The following SDCCAG8 variants were observed in gnomAD, a reference collection of about 807,000 sequenced individuals.
SDCCAG8 encodes SHH signaling and ciliogenesis regulator SDCCAG8, also known as serologically defined colon cancer antigen 8.
A neutral mutation model predicts 101.8 loss-of-function variants in SDCCAG8; 74 were observed. The ratio of observed to expected loss-of-function variants is 0.73; its 90% CI spans 0.60 to 0.88. SDCCAG8 has a LOEUF of 0.88. Among genes scored for constraint, SDCCAG8 ranks in the 40% least tolerant of loss-of-function variants. The probability of loss-of-function intolerance (pLI) is 0.00; values close to 1 mark genes in which losing one functional copy is unlikely to be tolerated. For missense variants in SDCCAG8, 787 were observed against 822.6 expected (o/e 0.96, Z 0.53); for synonymous variants, 281 against 292.9 (o/e 0.96, Z 0.41).
At chr1:243,307,151 T>C (rs2932634) in intron 7 of SDCCAG8, among the ~76,000 whole-genome samples, 76,173 of 150,978 alleles carry the variant, frequency 0.5, 20,004 homozygotes, top group East Asian at 0.75. Context: ...TGGGATAAGG[T>C]AGGAAAATAC....
intron 13 of SDCCAG8, among the ~76,000 whole-genome samples, chr1:243,385,746 G>T (rs1053079159): frequency 1.3e-5 from 2 of 152,068 alleles, no homozygotes; most frequent in African/African-American, 4.8e-5. Flanking sequence ...GAGGCGGGCG[G>T]ATCACCTGAG....
chr1:243,283,137 C>T lies in SDCCAG8; in HGVS notation c.421-3135C>T, dbSNP rs181306881. 7.2e-5 allele frequency among the ~76,000 whole-genome samples: 11 copies of T among 152,164 alleles called. No homozygotes were observed. In the East Asian group the frequency reaches 7.7e-4, roughly 11 times the overall value. On this transcript the variant is annotated intron_variant, in intron 4 of 17. Coordinates refer to ENST00000366541, the MANE Select transcript of SDCCAG8 (RefSeq NM_006642.5). ...TGCTGGGATTACAGGCATGAGCCAC[C>T]GCACCCGGCCTGATTTTTGGGTTTT...
intron 8 of SDCCAG8, among the ~76,000 whole-genome samples, chr1:243,314,613 A>G (rs895165876): frequency 2.0e-5 from 3 of 152,198 alleles, no homozygotes; most frequent in Admixed American, 2.0e-4. Context: ...AAAATAGATA[A>G]AGTCTATTAA....
intron 9 of SDCCAG8, among the ~76,000 whole-genome samples, chr1:243,323,306 C>T (rs1236880434): frequency 6.6e-6 from 1 of 152,116 alleles, no homozygotes; most frequent in Admixed American, 6.5e-5. Context: ...ACGTCACTTT[C>T]TTCGGATGAC....
chr1:243,308,152 A>G lies in SDCCAG8; in HGVS notation c.904A>G (p.Met302Val), dbSNP rs1187785931. 6.2e-7 allele frequency: 1 copy of G among 1,614,196 alleles called. No individual in the cohort carries two copies. The highest frequency in any genetic ancestry group is 2.2e-5 in the East Asian group (1 of 44,870). ...TTCCCAAACCCATACTAATGTTCAT[A>G]TGCAGACCATCGAAAGACTGGTTAA... is the stretch of plus-strand genomic sequence containing the variant. ...VLSQTHTNVHMQTIERLVKER... is the reference protein window; with the variant it reads ...VLSQTHTNVHVQTIERLVKER... The change falls in exon 8 of 18, where the codon ATG becomes GTG. Residue 302 changes from methionine to valine, a missense_variant. Met to Val is a conservative substitution (Grantham distance 21). Coordinates refer to ENST00000366541, the MANE Select transcript of SDCCAG8 (RefSeq NM_006642.5).
chr1:243,381,347 G>A (rs1257302914), intron 13 of SDCCAG8, among the ~76,000 whole-genome samples: 3 of 152,070 alleles, frequency 2.0e-5, no homozygotes, highest in African/African-American at 4.8e-5. Flanking sequence ...CCAACACTGT[G>A]GGAGGCCAAG....
At chr1:243,324,261 A>G (rs1401307570) in intron 9 of SDCCAG8, among the ~76,000 whole-genome samples, 2 of 152,140 alleles carry the variant, frequency 1.3e-5, no homozygotes, top group Non-Finnish European at 2.9e-5. Flanking sequence ...TCGTCTTCAA[A>G]CAAAGGCATC....
chr1:243,279,723 C>A (rs958819934), intron 4 of SDCCAG8, among the ~76,000 whole-genome samples: 1 of 152,124 alleles, frequency 6.6e-6, no homozygotes, highest in Admixed American at 6.6e-5. Context: ...CCTCAAATGT[C>A]GAACCAATGT....
intron 6 of SDCCAG8, among the ~76,000 whole-genome samples, chr1:243,301,178 T>C (rs1458251604): frequency 6.6e-6 from 1 of 152,144 alleles, no homozygotes; most frequent in Non-Finnish European, 1.5e-5. Flanking sequence ...CAGCATAAAG[T>C]AAAATGTAGT....
rs11808637 is a variant in SDCCAG8, at chr1:243,375,709, G to A, written c.1474-3012G>A. 9.6e-3 allele frequency among the ~76,000 whole-genome samples: 1,461 copies of A among 152,244 alleles called. 12 individuals carry two copies. Among genetic ancestry groups the A allele is most frequent in the East Asian group, 0.032 (164 of 5,164 alleles). On this transcript the variant is annotated intron_variant, in intron 12 of 17. Coordinates refer to ENST00000366541, the MANE Select transcript of SDCCAG8 (RefSeq NM_006642.5). Reference sequence around the variant, plus strand: ...GTGCTTTGAGAGTAATGTACAATTGGCCTATGGCTGTTGTTGGTCTTTCAT... The same window carrying A: ...GTGCTTTGAGAGTAATGTACAATTGACCTATGGCTGTTGTTGGTCTTTCAT...
intron 5 of SDCCAG8, among the ~76,000 whole-genome samples, chr1:243,291,548 T>C (rs2070270334): frequency 6.6e-6 from 1 of 152,212 alleles, no homozygotes; most frequent in African/African-American, 2.4e-5. Context: ...AGGCTGCATG[T>C]CAACTCTGTT....
chr1:243,332,756 T>G (rs150865431), intron 10 of SDCCAG8, among the ~76,000 whole-genome samples: 2 of 145,894 alleles, frequency 1.4e-5, no homozygotes, highest in African/African-American at 5.1e-5. Context: ...AGGTGATTAT[T>G]GTGGTCCGGG....
rs1017949399 is a variant in SDCCAG8, at chr1:243,308,139, T to C, written c.891T>C (p.His297=). Residue 297 remains histidine, a synonymous_variant, in exon 8 of 18, where the codon CAT becomes CAC. Coordinates refer to ENST00000366541, the MANE Select transcript of SDCCAG8 (RefSeq NM_006642.5). ...AQHEAVLSQT[H]TNVHMQTIER... is the part of the protein sequence containing the mutation. ...ATGAAGCTGTTCTTTCCCAAACCCA[T>C]ACTAATGTTCATATGCAGACCATCG... 6 of 1,614,214 alleles carry C rather than the reference T, an allele frequency of 3.7e-6. No individual in the cohort carries two copies. The highest frequency in any genetic ancestry group is 1.7e-5 in the Admixed American group (1 of 60,032).
At chr1:243,442,947 T>A (rs1359095511) in intron 16 of SDCCAG8, among the ~76,000 whole-genome samples, 3 of 152,240 alleles carry the variant, frequency 2.0e-5, no homozygotes, top group African/African-American at 4.8e-5. Flanking sequence ...AGACAATCAA[T>A]TTACATTAAA....
At chr1:243,459,277 G>A (rs1658514532) in intron 16 of SDCCAG8, among the ~76,000 whole-genome samples, 1 of 152,198 alleles carries the variant, frequency 6.6e-6, no homozygotes, top group Non-Finnish European at 1.5e-5. Context: ...CACAGTCCTA[G>A]GAGGGAAAGC....
In SDCCAG8 at chr1:243,473,761, C is replaced by T. The variant is rs1038846843; in HGVS notation, c.1986-15253C>T. Among the ~76,000 whole-genome samples the T allele has an allele frequency of 1.2e-4, 18 of 152,108 alleles. No individual in the cohort carries two copies. The South Asian group carries it at 2.3e-3, about 19-fold the overall frequency. ...AGTAGGGCTCAGAAGTGAAACTAAA[C>T]GGTAACTTTGTAAAGAGAGGAAGGG... On this transcript the variant is annotated intron_variant, in intron 16 of 17. Transcript: ENST00000366541.
In SDCCAG8 at chr1:243,499,947, A is replaced by C; in HGVS notation, c.*162A>C. 1.4e-6 allele frequency: 1 copy of C among 693,444 alleles called. No homozygotes were observed. The highest frequency in any genetic ancestry group is 2.6e-6 in the Non-Finnish European group (1 of 384,054). The allele number at this position is 693,444 out of a possible 1,614,324, so 43.0% of individuals were successfully genotyped here. On this transcript the variant is annotated 3_prime_UTR_variant, in exon 18 of 18. Transcript: ENST00000366541. Reference sequence around the variant, plus strand: ...CAACGCGGGCGCTGTCCCCGCACGCAGTCGGGCTGGAGCTGGAGTCTGACT... The same window carrying C: ...CAACGCGGGCGCTGTCCCCGCACGCCGTCGGGCTGGAGCTGGAGTCTGACT...
intron 9 of SDCCAG8, among the ~76,000 whole-genome samples, chr1:243,317,383 C>T (rs539612467): frequency 1.3e-5 from 2 of 149,252 alleles, no homozygotes; most frequent in East Asian, 2.0e-4. Context: ...TGCAATGGCA[C>T]GATTTCGGCT....
chr1:243,325,701 G>T (rs979535074), intron 9 of SDCCAG8, among the ~76,000 whole-genome samples: 1 of 152,058 alleles, frequency 6.6e-6, no homozygotes, highest in Non-Finnish European at 1.5e-5. Flanking sequence ...TCTCTGATTT[G>T]GGCAAGTTAC....
Sources: allele counts gnomAD v4.1 joint callset (sites outside exome capture counted in the v4.1 genomes callset), GRCh38; gene constraint gnomAD v4.1.1; transcripts MANE v1.5; gene names NCBI Gene and HGNC (gene_info 2026-07-23, HGNC 2026-07-21).